The following TUBB variants were observed in gnomAD, a reference collection of about 807,000 sequenced individuals.
TUBB encodes tubulin beta chain.
In TUBB, 2 loss-of-function variants were observed where a neutral mutation model predicts 35.1. That is an observed-to-expected ratio of 0.06 (90% confidence interval 0.02 to 0.18). TUBB has a LOEUF of 0.18. Ranked by LOEUF, TUBB falls within the 10% of genes least tolerant of loss-of-function variation. The pLI, the probability that TUBB is intolerant of heterozygous loss-of-function variation, is 1.00. For missense variants in TUBB, 50 were observed against 599.4 expected (o/e 0.08, Z 9.57); for synonymous variants, 205 against 223.8 (o/e 0.92, Z 0.75).
At position 30,724,310 on chromosome 6, in the gene TUBB, C is replaced by A. The variant is rs764135305; in HGVS notation, c.1248C>A (p.Asn416Lys). 1 of 1,613,220 alleles carries A rather than the reference C, an allele frequency of 6.2e-7. No homozygotes were observed. ...MEFTEAESNM[N>K]DLVSEYQQYQ... ...TCACCGAGGCTGAGAGCAACATGAA[C>A]GACCTCGTCTCTGAGTATCAGCAGT... is the stretch of plus-strand genomic sequence containing the variant. Residue 416 changes from asparagine to lysine, a missense_variant, in exon 4 of 4, where the codon AAC (asparagine) becomes AAA (lysine). Asn to Lys is a moderately conservative substitution (Grantham distance 94). Around this residue, in one of 2 missense-constraint regions of TUBB, gnomAD observed 38 missense variants for 578.9 expected, o/e 0.07. Coordinates refer to ENST00000327892, the MANE Select transcript of TUBB (RefSeq NM_178014.4). This position sits in a 1 kb window ranked among gnomAD's most constrained non-coding sequence, Gnocchi z 4.4.
chr6:30,723,184 T>C, intron 3 of TUBB, 156 bp downstream of exon 3: 1 of 894,926 alleles, frequency 1.1e-6, no homozygotes, highest in Non-Finnish European at 1.7e-6. Context: ...TAGTGCCTAC[T>C]ATTGCTGGTA....
chr6:30,720,692 TTA>T (rs1044255666), intron 1 of TUBB, 129 bp downstream of exon 1: 19 of 755,522 alleles, frequency 2.5e-5, no homozygotes, highest in Non-Finnish European at 3.9e-5. Flanking sequence ...TTTGTTACAT[TTA>T]TATATATAAC....
At chr6:30,721,648 C>A (rs1483451759) in intron 1 of TUBB, 2 of 985,304 alleles carry the variant, frequency 2.0e-6, no homozygotes, top group African/African-American at 3.5e-5. Flanking sequence ...AGACCCCCAG[C>A]CTTTTGTGCG....
chr6:30,721,537 G>A, intron 1 of TUBB: 3 of 984,898 alleles, frequency 3.0e-6, no homozygotes, highest in Non-Finnish European at 3.6e-6. Flanking sequence ...CCCTGGCCCC[G>A]CCCACGCGCG....
intron 1 of TUBB, chr6:30,721,890 G>A (rs1298166157): frequency 2.0e-6 from 2 of 985,840 alleles, no homozygotes; most frequent in African/African-American, 1.7e-5. Context: ...TGGGAGATGT[G>A]GGGCCGAGGT....
chr6:30,720,364 T>A lies in TUBB; in HGVS notation c.-143T>A, dbSNP rs761491677. On this transcript the variant is annotated 5_prime_UTR_variant, in exon 1 of 4. Coordinates refer to ENST00000327892, the MANE Select transcript of TUBB (RefSeq NM_178014.4). ...CTCTCCTTTCTCCCTCTCAGAACCT[T>A]CCTGCCGTCGCGTTTGCACCTCGCT... 3.8e-6 allele frequency: 3 copies of A among 791,106 alleles called. No homozygotes were observed. The highest frequency in any genetic ancestry group is 6.6e-6 in the Non-Finnish European group (3 of 454,520). The allele number at this position is 791,106 out of a possible 1,614,324, so 49.0% of individuals were successfully genotyped here.
At position 30,724,806 on chromosome 6, in the gene TUBB, A is replaced by G. The variant is rs1061424; in HGVS notation, c.*409A>G. On this transcript the variant is annotated 3_prime_UTR_variant, in exon 4 of 4. Coordinates refer to ENST00000327892, the MANE Select transcript of TUBB (RefSeq NM_178014.4). The surrounding 1 kb of genome is among the most constrained non-coding windows in gnomAD (Gnocchi z 4.4). ...TAGAAAATGGTAGAAGGTAGTGGGT[A>G]GAAGTCACTATATAAGGAAGGGGAT... is the stretch of plus-strand genomic sequence containing the variant. The G allele has an allele frequency of 0.066, 12,887 of 194,910 alleles. 707 individuals are homozygous for G. The highest frequency in any genetic ancestry group is 0.16 in the African/African-American group (6,683 of 42,778). The allele number at this position is 194,910 out of a possible 1,614,324, so 12.1% of individuals were successfully genotyped here. A position where few individuals can be genotyped will look rare whatever the true frequency, so the allele number is the denominator to read the frequency against.
At chr6:30,721,282 A>G (rs1776209667) in intron 1 of TUBB, among the ~76,000 whole-genome samples, 1 of 151,940 alleles carries the variant, frequency 6.6e-6, no homozygotes, top group Non-Finnish European at 1.5e-5. Flanking sequence ...AATCCTTTAA[A>G]TCAAGGGGTA....
intron 1 of TUBB, chr6:30,721,871 G>A: frequency 1.0e-6 from 1 of 985,792 alleles, no homozygotes; most frequent in Non-Finnish European, 1.2e-6. Context: ...AGCGCTTGTG[G>A]AATTAAAATG....
chr6:30,722,298 C>T (rs1300802790), intron 1 of TUBB: 10 of 492,464 alleles, frequency 2.0e-5, no homozygotes, highest in Non-Finnish European at 3.3e-5. Flanking sequence ...CAAAAAGTAG[C>T]TGGGCGTGTT....
At position 30,723,975 on chromosome 6, in the gene TUBB, C is replaced by A; in HGVS notation, c.913C>A (p.Pro305Thr). Residue 305 changes from proline to threonine, a missense_variant, in exon 4 of 4, where the codon CCC becomes ACC. Coordinates refer to ENST00000327892, the MANE Select transcript of TUBB (RefSeq NM_178014.4). ...CAAGAACATGATGGCTGCCTGTGAC[C>A]CCCGCCACGGCCGATACCTCACCGT... is the stretch of plus-strand genomic sequence containing the variant. ...DAKNMMAACD[P>T]RHGRYLTVAA... 1 of 1,614,148 alleles carries A rather than the reference C, an allele frequency of 6.2e-7. No homozygotes were observed. Among genetic ancestry groups the A allele is most frequent in the Non-Finnish European group, 8.5e-7 (1 of 1,180,010 alleles).
intron 1 of TUBB, among the ~76,000 whole-genome samples, chr6:30,721,091 C>G (rs980115552): frequency 6.6e-6 from 1 of 152,206 alleles, no homozygotes; most frequent in African/African-American, 2.4e-5. Context: ...AACGCGCCCG[C>G]GACCCCAGAG....
Position 30,725,159 on chromosome 6 carries a change from A to G in TUBB, c.*762A>G, listed in dbSNP as rs1776572603. 6.6e-6 allele frequency: 1 copy of G among 151,656 alleles called. No homozygotes were observed. The highest frequency in any genetic ancestry group is 2.1e-4 in the South Asian group (1 of 4,824). The allele number at this position is 151,656 out of a possible 1,614,324, so 9.4% of individuals were successfully genotyped here. A position where few individuals can be genotyped will look rare whatever the true frequency, so the allele number is the denominator to read the frequency against. ...TTAATCCCCACCTTTTCTTACTCCC[A>G]AAAAAGAATGAACACCCCTGACTCT... On this transcript the variant is annotated 3_prime_UTR_variant, in exon 4 of 4. Coordinates refer to ENST00000327892, the MANE Select transcript of TUBB (RefSeq NM_178014.4).
At chr6:30,721,570 C>T (rs1174539829) in intron 1 of TUBB, 4 of 985,256 alleles carry the variant, frequency 4.1e-6, no homozygotes, top group East Asian at 1.1e-4. Context: ...GGCGGCTCGA[C>T]CTGCGCGTGC....
Position 30,722,729 on chromosome 6 carries a change from T to C in TUBB, c.166+84T>C, listed in dbSNP as rs1444589962. 2.3e-6 allele frequency: 3 copies of C among 1,303,242 alleles called. No individual in the cohort carries two copies. In the East Asian group the frequency reaches 7.1e-5, roughly 31 times the overall value. The allele number at this position is 1,303,242 out of a possible 1,614,324, so 80.7% of individuals were successfully genotyped here. On this transcript the variant is annotated intron_variant, in intron 2 of 3. Coordinates refer to ENST00000327892, the MANE Select transcript of TUBB (RefSeq NM_178014.4). Reference sequence around the variant, plus strand: ...TCTCTTTCCATTTCTGGGCACGCCTTATCCCCTTTGGGTGAATCTGTCATT... The same window carrying C: ...TCTCTTTCCATTTCTGGGCACGCCTCATCCCCTTTGGGTGAATCTGTCATT...
intron 3 of TUBB, 147 bp downstream of exon 3, chr6:30,723,175 A>G (rs896341711): frequency 1.1e-6 from 1 of 891,162 alleles, no homozygotes; most frequent in Non-Finnish European, 1.7e-6. Context: ...GGGTAGAGGT[A>G]GTGCCTACTA....
chr6:30,722,303 C>A (rs927961519), intron 1 of TUBB: 7 of 501,708 alleles, frequency 1.4e-5, no homozygotes, highest in Admixed American at 1.3e-4. Context: ...AGTAGCTGGG[C>A]GTGTTGGTGC....
At position 30,724,582 on chromosome 6, in the gene TUBB, C is replaced by T. The variant is rs1776513960; in HGVS notation, c.*185C>T. On this transcript the variant is annotated 3_prime_UTR_variant, in exon 4 of 4. Coordinates refer to ENST00000327892, the MANE Select transcript of TUBB (RefSeq NM_178014.4). The surrounding 1 kb of genome is among the most constrained non-coding windows in gnomAD (Gnocchi z 4.4). The stretch of plus-strand genomic sequence containing the variant: ...CAATAAATACTTGTTTGTTGAATGT[C>T]TCCTCTCTCTTTCCACTCTGGGAAA... 1 of 575,514 alleles carries T rather than the reference C, an allele frequency of 1.7e-6. No homozygotes were observed. The highest frequency in any genetic ancestry group is 2.9e-5 in the East Asian group (1 of 34,988). 35.7% of individuals were successfully genotyped at this position (575,514 alleles called of 1,614,324 possible).
At position 30,720,569 on chromosome 6, in the gene TUBB, A is replaced by G. The variant is rs375432661; in HGVS notation, c.57+6A>G. 6.2e-7 allele frequency: 1 copy of G among 1,608,942 alleles called. No homozygotes were observed. Among genetic ancestry groups the G allele is most frequent in the African/African-American group, 1.3e-5 (1 of 74,524 alleles). ...GCAACCAGATCGGTGCCAAGGTAAG[A>G]ATTTTACACCTCTTTTATTTCTTTT... On this transcript the variant is annotated splice_donor_region_variant and intron_variant, in intron 1 of 3. Transcript: ENST00000327892.
Sources: allele counts gnomAD v4.1 joint callset (sites outside exome capture counted in the v4.1 genomes callset), GRCh38; gene constraint gnomAD v4.1.1; regional missense constraint gnomAD v4.1.1; non-coding constraint Gnocchi (gnomAD v3.1); transcripts MANE v1.5; gene names NCBI Gene and HGNC (gene_info 2026-07-23, HGNC 2026-07-21).